Variants in NFATC1 observed in about 807,000 individuals in gnomAD.
NFATC1 encodes nuclear factor of activated T-cells, cytoplasmic 1.
In NFATC1, 22 loss-of-function variants were observed where a neutral mutation model predicts 76.0. The ratio of observed to expected loss-of-function variants is 0.29; its 90% CI spans 0.21 to 0.41. The LOEUF (loss-of-function observed/expected upper bound fraction) is 0.41, where lower values mean the gene tolerates loss of function less well. Among genes scored for constraint, NFATC1 ranks in the 10% least tolerant of loss-of-function variants. The pLI, the probability that NFATC1 is intolerant of heterozygous loss-of-function variation, is 1.00. For synonymous variants in NFATC1, 704 were observed against 613.1 expected (o/e 1.15, Z -2.19); for missense variants, 1,357 against 1,337.7 (o/e 1.01, Z -0.23).
At chr18:79,455,053 G>A (rs1050818258) in intron 6 of NFATC1, among the ~76,000 whole-genome samples, 1 of 152,242 alleles carries the variant, frequency 6.6e-6, no homozygotes, top group Admixed American at 6.5e-5. Context: ...CTCGGGCTGT[G>A]TCTAGAGCCT....
chr18:79,431,285 C>T (rs568141611), intron 2 of NFATC1, among the ~76,000 whole-genome samples: 4 of 152,352 alleles, frequency 2.6e-5, no homozygotes, highest in East Asian at 3.9e-4. Context: ...TTAAAAATTA[C>T]GTAGTTGATT....
At chr18:79,419,935 T>A (rs2086014507) in intron 2 of NFATC1, among the ~76,000 whole-genome samples, 2 of 152,256 alleles carry the variant, frequency 1.3e-5, no homozygotes, top group African/African-American at 4.8e-5. Flanking sequence ...GCAAAATGTT[T>A]TCTACATTAT....
At chr18:79,476,192 T>A (rs1275792553) in intron 8 of NFATC1, among the ~76,000 whole-genome samples, 1 of 152,192 alleles carries the variant, frequency 6.6e-6, no homozygotes, top group Non-Finnish European at 1.5e-5. Context: ...GCCCTGAGCT[T>A]GGCGACGCCA....
chr18:79,509,838 C>A (rs1382685803), intron 9 of NFATC1, among the ~76,000 whole-genome samples: 1 of 152,238 alleles, frequency 6.6e-6, no homozygotes, highest in Admixed American at 6.5e-5. Context: ...CTCCCACTTT[C>A]TCTGGGCTGA....
chr18:79,466,970 C>T (rs1433157326), intron 7 of NFATC1, among the ~76,000 whole-genome samples: 1 of 152,256 alleles, frequency 6.6e-6, no homozygotes, highest in East Asian at 1.9e-4. Flanking sequence ...CCTTTTGCAT[C>T]CCCGCCAGTC....
At chr18:79,434,038 A>G (rs2086688841) in intron 3 of NFATC1, among the ~76,000 whole-genome samples, 1 of 152,112 alleles carries the variant, frequency 6.6e-6, no homozygotes, top group Admixed American at 6.5e-5. Context: ...CCCTCTCTAA[A>G]GCCTCTGAAC....
At chr18:79,510,282 G>C (rs1047441834) in intron 9 of NFATC1, among the ~76,000 whole-genome samples, 10 of 152,114 alleles carry the variant, frequency 6.6e-5, no homozygotes, top group African/African-American at 2.4e-4. Context: ...ACTTTCAAAA[G>C]ATGACATAGA....
At chr18:79,421,850 T>G (rs1275769591) in intron 2 of NFATC1, 1 of 152,266 alleles carries the variant, frequency 6.6e-6, no homozygotes, top group Non-Finnish European at 1.5e-5. Context: ...AGCGCGAAGC[T>G]GGAAGCTTGG....
chr18:79,438,979 C>T (rs945530685), intron 3 of NFATC1, among the ~76,000 whole-genome samples: 1 of 152,222 alleles, frequency 6.6e-6, no homozygotes, highest in Non-Finnish European at 1.5e-5. Context: ...GGCAGCTCTT[C>T]TTTTCCGGTT....
intron 1 of NFATC1, among the ~76,000 whole-genome samples, chr18:79,397,527 C>T (rs999683760): frequency 2.6e-5 from 4 of 152,210 alleles, no homozygotes; most frequent in Non-Finnish European, 4.4e-5. Flanking sequence ...TGACGCTTCA[C>T]GGGACGGGAG....
chr18:79,413,758 G>C (rs563063183), intron 2 of NFATC1, among the ~76,000 whole-genome samples: 2 of 152,336 alleles, frequency 1.3e-5, no homozygotes, highest in South Asian at 4.1e-4. Flanking sequence ...TGTCCGCAGG[G>C]ATGTCGTGTT....
rs997884236 is a variant in NFATC1 at position 79,508,001 on chromosome 18, C to A, written c.2783-19527C>A. ...CCTTTTCCACAGTAGCTGCTGCCAG[C>A]GGGCTGTAAACTACCGTATATCACT... On this transcript the variant is annotated intron_variant, in intron 9 of 9. Coordinates refer to ENST00000427363, the MANE Select transcript of NFATC1 (RefSeq NM_001278669.2). Among the ~76,000 whole-genome samples, 11 of 152,348 alleles carry A rather than the reference C, an allele frequency of 7.2e-5. No homozygotes were observed. The South Asian group carries it at 1.9e-3, about 26-fold the overall frequency.
intron 1 of NFATC1, among the ~76,000 whole-genome samples, chr18:79,403,959 C>A (rs2085350848): frequency 6.6e-6 from 1 of 152,204 alleles, no homozygotes; most frequent in African/African-American, 2.4e-5. Flanking sequence ...GAAAGCGTTC[C>A]TGCTATTACC....
chr18:79,432,407 A>C (rs2086630140), intron 2 of NFATC1, among the ~76,000 whole-genome samples: 1 of 152,240 alleles, frequency 6.6e-6, no homozygotes. Flanking sequence ...GTCTCTGGCC[A>C]CATAGCGGTG....
intron 8 of NFATC1, among the ~76,000 whole-genome samples, chr18:79,485,151 C>T (rs2089457979): frequency 6.6e-6 from 1 of 152,200 alleles, no homozygotes; most frequent in East Asian, 1.9e-4. Flanking sequence ...CAGGTGGTGA[C>T]AGGAGGGGAG....
At chr18:79,406,156 T>A (rs143677863) in intron 1 of NFATC1, among the ~76,000 whole-genome samples, 321 of 152,346 alleles carry the variant, frequency 2.1e-3, no homozygotes, top group African/African-American at 7.3e-3. Flanking sequence ...CAAGACTTGC[T>A]CTGTTAATTG....
At chr18:79,489,735 G>A (rs998289282) in intron 9 of NFATC1, among the ~76,000 whole-genome samples, 8 of 152,286 alleles carry the variant, frequency 5.3e-5, no homozygotes, top group South Asian at 4.1e-4. Context: ...CGTACGCTTC[G>A]TCAGGCCCAG....
At chr18:79,458,570 G>A (rs953033163) in intron 6 of NFATC1, among the ~76,000 whole-genome samples, 27 of 152,352 alleles carry the variant, frequency 1.8e-4, no homozygotes, top group Non-Finnish European at 2.9e-4. Flanking sequence ...GAAGCCTCCC[G>A]ATGACTCAGA....
In NFATC1 at chr18:79,524,084, G is replaced by C. The variant is rs2090684312; in HGVS notation, c.2783-3444G>C. The C allele has an allele frequency of 6.6e-6, 1 of 152,030 alleles. No homozygotes were observed. The highest frequency in any genetic ancestry group is 1.5e-5 in the Non-Finnish European group (1 of 68,016). 9.4% of individuals were successfully genotyped at this position (152,030 alleles called of 1,614,324 possible). On this transcript the variant is annotated intron_variant, in intron 9 of 9. Coordinates refer to ENST00000427363, the MANE Select transcript of NFATC1 (RefSeq NM_001278669.2). The surrounding 1 kb of genome is among the most constrained non-coding windows in gnomAD (Gnocchi z 7.2). ...CGGCAACCATACCCTACCCAAGGAA[G>C]CCGCCCCCGGAATAGCAAGGGCAGG...
Sources: allele counts gnomAD v4.1 joint callset (sites outside exome capture counted in the v4.1 genomes callset), GRCh38; gene constraint gnomAD v4.1.1; non-coding constraint Gnocchi (gnomAD v3.1); transcripts MANE v1.5; gene names NCBI Gene and HGNC (gene_info 2026-07-23, HGNC 2026-07-21).